Variants in CD82 observed in about 807,000 individuals in gnomAD.
The protein encoded by CD82 is CD82 molecule, also known as CD82 antigen.
In CD82, 36 loss-of-function variants were observed where a neutral mutation model predicts 37.4. That is an observed-to-expected ratio of 0.96 (90% CI 0.74 to 1.27). CD82 has a LOEUF of 1.27. Ranked by LOEUF, CD82 falls within the 50% of genes most tolerant of loss-of-function variation. The pLI, the probability that CD82 is intolerant of heterozygous loss-of-function variation, is 0.00. For synonymous variants in CD82, 158 were observed against 137.4 expected, an observed-to-expected ratio of 1.15 and a Z score of -1.05; for missense variants, 340 against 347.0, an observed-to-expected ratio of 0.98 and a Z score of 0.16.
intron 1 of CD82, chr11:44,573,300 T>A (rs79001606): frequency 8.5e-5 from 13 of 152,202 alleles, no homozygotes; most frequent in Admixed American, 8.5e-4. Flanking sequence ...ATTATACTAG[T>A]ACAGTTGGAA....
chr11:44,592,121 T>C (rs12364180), intron 2 of CD82, among the ~76,000 whole-genome samples: 28,351 of 152,126 alleles, frequency 0.19, 2,831 homozygotes, highest in Middle Eastern at 0.31. Context: ...GCCCGGCCTA[T>C]ACTTATTCTT....
At chr11:44,578,213 AC>A (rs35248895) in intron 1 of CD82, among the ~76,000 whole-genome samples, 6,441 of 152,174 alleles carry the variant, frequency 0.042, 158 homozygotes, top group Middle Eastern at 0.075. Flanking sequence ...TCCTCTGGAC[AC>A]CCAGAGGCTC....
At chr11:44,594,795 C>A in intron 3 of CD82, 70 bp downstream of exon 3, 1 of 1,357,156 alleles carries the variant, frequency 7.4e-7, no homozygotes, top group Non-Finnish European at 1.1e-6. Context: ...CCAGCCTGAG[C>A]CTTTCCAGAG....
At position 44,619,174 on chromosome 11, in the gene CD82, C is replaced by T. The variant is rs1363087790; in HGVS notation, c.*48C>T. On this transcript the variant is annotated 3_prime_UTR_variant, in exon 10 of 10. Coordinates refer to ENST00000227155, the MANE Select transcript of CD82 (RefSeq NM_002231.4). ...CTGCCTGGCCCCCAACCTCAGGGCT[C>T]CCAGGGGTCTCCCTGGCTCCCTCCT... is the stretch of plus-strand genomic sequence containing the variant. 2 of 1,470,700 alleles carry T rather than the reference C, an allele frequency of 1.4e-6. No homozygotes were observed. The highest frequency in any genetic ancestry group is 1.7e-5 in the Admixed American group (1 of 59,822). The allele number at this position is 1,470,700 out of a possible 1,614,324, so 91.1% of individuals were successfully genotyped here.
At position 44,618,364 on chromosome 11, in the gene CD82, A is replaced by C; in HGVS notation, c.641A>C (p.Glu214Ala). The stretch of plus-strand genomic sequence containing the variant: ...CCTGAGGACTGGCCTGTGTACCAGG[A>C]GGTGTGCGGGGGGCTGCGGATCGGG... Reference protein sequence around the residue: ...NHPEDWPVYQEGCMEKVQAWL... With the variant: ...NHPEDWPVYQAGCMEKVQAWL... Residue 214 changes from glutamate (E) to alanine (A), a missense_variant and splice_region_variant, in exon 8 of 10, where the codon GAG becomes GCG. By Grantham distance (107) the Glu-to-Ala change is moderately radical (BLOSUM62 -1). Coordinates refer to ENST00000227155, the MANE Select transcript of CD82 (RefSeq NM_002231.4). The C allele has an allele frequency of 6.2e-7, 1 of 1,612,224 alleles. No homozygotes were observed. Among genetic ancestry groups the C allele is most frequent in the Non-Finnish European group, 8.5e-7 (1 of 1,179,598 alleles).
intron 2 of CD82, among the ~76,000 whole-genome samples, chr11:44,592,115 G>A (rs930534388): frequency 4.6e-5 from 7 of 152,120 alleles, no homozygotes; most frequent in African/African-American, 9.7e-5. Context: ...TACCGTGCCC[G>A]GCCTATACTT....
intron 6 of CD82, among the ~76,000 whole-genome samples, chr11:44,607,194 C>T (rs139950645): frequency 1.1e-3 from 161 of 152,362 alleles, no homozygotes; most frequent in African/African-American, 3.8e-3. Flanking sequence ...ACATCAACAT[C>T]AACAAATAAC....
chr11:44,603,684 G>A (rs528343214), intron 4 of CD82, among the ~76,000 whole-genome samples: 2 of 152,290 alleles, frequency 1.3e-5, no homozygotes, highest in South Asian at 2.1e-4. Flanking sequence ...GTGTACCCAT[G>A]CTGGTGAGTT....
rs78568223 is a variant in CD82 at position 44,605,720 on chromosome 11, T to C, written c.336+291T>C. 3.8e-3 allele frequency among the ~76,000 whole-genome samples: 578 copies of C among 152,256 alleles called. 5 individuals are homozygous for C. The highest frequency in any genetic ancestry group is 0.013 in the African/African-American group (560 of 41,532). On this transcript the variant is annotated intron_variant, in intron 6 of 9. Transcript: ENST00000227155. ...CTCTATGTGCCTGTTCCACCATCTG[T>C]AAAATGGAAACAATAAGAAAACTGA...
intron 1 of CD82, among the ~76,000 whole-genome samples, chr11:44,574,490 A>G (rs1406465612): frequency 6.6e-6 from 1 of 152,246 alleles, no homozygotes; most frequent in Non-Finnish European, 1.5e-5. Context: ...TTGTAGCAGA[A>G]GACCCCAGGC....
chr11:44,601,144 A>G (rs962639868), intron 4 of CD82, among the ~76,000 whole-genome samples: 1 of 151,864 alleles, frequency 6.6e-6, no homozygotes, highest in African/African-American at 2.4e-5. Flanking sequence ...CAGCCGTGCC[A>G]CTCCCCTCGC....
intron 1 of CD82, among the ~76,000 whole-genome samples, chr11:44,569,534 C>T (rs1852785476): frequency 6.6e-6 from 1 of 152,140 alleles, no homozygotes; most frequent in South Asian, 2.1e-4. Flanking sequence ...ATGCCCCATT[C>T]TTTCCTTGGC....
At chr11:44,575,462 G>C (rs2134622825) in intron 1 of CD82, among the ~76,000 whole-genome samples, 1 of 152,324 alleles carries the variant, frequency 6.6e-6, no homozygotes, top group South Asian at 2.1e-4. Flanking sequence ...ACTCTGACAT[G>C]CATCAGTCCC....
Position 44,619,358 on chromosome 11 carries a change from C to T in CD82, c.*232C>T, listed in dbSNP as rs71490073. ...TCTGCTCACCGCCCATCAGGGTTCTCTTAGCAACTCAGAGAAAAATGCTCC... is the reference window on the plus strand; with the variant it reads ...TCTGCTCACCGCCCATCAGGGTTCTTTTAGCAACTCAGAGAAAAATGCTCC... On this transcript the variant is annotated 3_prime_UTR_variant, in exon 10 of 10. Transcript: ENST00000227155. 3.7e-6 allele frequency: 2 copies of T among 547,272 alleles called. No individual in the cohort carries two copies. Among genetic ancestry groups the T allele is most frequent in the Non-Finnish European group, 6.5e-6 (2 of 305,476 alleles). 33.9% of individuals were successfully genotyped at this position (547,272 alleles called of 1,614,324 possible).
chr11:44,597,090 T>C lies in CD82; in HGVS notation c.63+2365T>C, dbSNP rs1382404887. 4 of 451,260 alleles carry C rather than the reference T, an allele frequency of 8.9e-6. No homozygotes were observed. The highest frequency in any genetic ancestry group is 4.7e-5 in the South Asian group (3 of 64,416). The allele number at this position is 451,260 out of a possible 1,614,324, so 28.0% of individuals were successfully genotyped here. ...CATAGACCCGGCCAGCCTGCCTCTT[T>C]GTTTTATGCACATTGGGAGGGGTTT... On this transcript the variant is annotated intron_variant, in intron 3 of 9. Transcript: ENST00000227155. The surrounding 1 kb of genome is among the most constrained non-coding windows in gnomAD (Gnocchi z 4.1).
intron 4 of CD82, 45 bp downstream of exon 4, chr11:44,600,275 G>C (rs1277874791): frequency 3.8e-6 from 6 of 1,566,116 alleles, no homozygotes; most frequent in Non-Finnish European, 5.3e-6. Context: ...ACTGAAGAGG[G>C]GAGGGCCAGG....
intron 1 of CD82, among the ~76,000 whole-genome samples, chr11:44,569,037 C>A (rs963817381): frequency 1.2e-4 from 19 of 152,202 alleles, no homozygotes; most frequent in African/African-American, 4.6e-4. Context: ...CAGGAGCTGG[C>A]TCTGTGAGAG....
intron 1 of CD82, among the ~76,000 whole-genome samples, chr11:44,582,245 C>G (rs1247312824): frequency 1.3e-5 from 2 of 152,192 alleles, no homozygotes; most frequent in African/African-American, 2.4e-5. Context: ...TGTGGATGCT[C>G]TCATGAATGT....
intron 4 of CD82, among the ~76,000 whole-genome samples, chr11:44,603,011 G>A (rs1347576728): frequency 6.6e-6 from 1 of 152,216 alleles, no homozygotes; most frequent in Non-Finnish European, 1.5e-5. Context: ...TTTGGATAAA[G>A]GGCCTTGTTC....
Sources: allele counts gnomAD v4.1 joint callset (sites outside exome capture counted in the v4.1 genomes callset), GRCh38; gene constraint gnomAD v4.1.1; non-coding constraint Gnocchi (gnomAD v3.1); transcripts MANE v1.5; gene names NCBI Gene and HGNC (gene_info 2026-07-23, HGNC 2026-07-21).